The following C12orf50 variants were observed in gnomAD, a reference collection of about 807,000 sequenced individuals.
C12orf50 encodes zinc finger CCCH-type containing 11D.
A neutral mutation model predicts 61.6 loss-of-function variants in C12orf50; 35 were observed. The ratio of observed to expected loss-of-function variants is 0.57; its 90% CI spans 0.43 to 0.75. The LOEUF is 0.75. C12orf50 is among the 30% of genes least tolerant of loss of function. The pLI is 0.00. For synonymous variants in C12orf50, 178 were observed against 161.5 expected, an observed-to-expected ratio of 1.10 and a Z score of -0.77; for missense variants, 475 against 488.5, an observed-to-expected ratio of 0.97 and a Z score of 0.26.
intron 7 of C12orf50, among the ~76,000 whole-genome samples, chr12:87,990,742 G>C (rs2031080231): frequency 6.6e-6 from 1 of 152,054 alleles, no homozygotes; most frequent in African/African-American, 2.4e-5. Flanking sequence ...AGGTGAAAAA[G>C]AAAGAGCCGA....
Position 88,027,074 on chromosome 12 carries a change from A to G in C12orf50, c.-108-4T>C, listed in dbSNP as rs1398197945. 1.2e-6 allele frequency: 2 copies of G among 1,603,146 alleles called. No homozygotes were observed. The highest frequency in any genetic ancestry group is 1.7e-6 in the Non-Finnish European group (2 of 1,176,848). ...GTCGGAATCGGCACTGGGAACCCTA[A>G]AAGAAAAAGTAAACAGTGTAGAAAG... On this transcript the variant is annotated splice_region_variant and splice_polypyrimidine_tract_variant and intron_variant, in intron 1 of 12. Transcript: ENST00000298699.
intron 3 of C12orf50, among the ~76,000 whole-genome samples, chr12:88,014,521 G>A (rs1057429593): frequency 6.6e-6 from 1 of 152,184 alleles, no homozygotes; most frequent in African/African-American, 2.4e-5. Context: ...GGATGGTCTC[G>A]ATCTCCTGAC....
At chr12:88,008,568 T>TATAAAGAATTATTTATATAATTCTTAA (rs1236176236) in intron 3 of C12orf50, among the ~76,000 whole-genome samples, 3 of 152,098 alleles carry the variant, frequency 2.0e-5, no homozygotes, top group African/African-American at 7.2e-5. Flanking sequence ...TGTTTCTTAA[T>TATAAAGAATTATTTATATAATTCTTAA]ATAAAGAATT....
At chr12:87,983,662 T>C (rs1009528674) in intron 11 of C12orf50, 1 of 151,304 alleles carries the variant, frequency 6.6e-6, no homozygotes, top group Non-Finnish European at 1.5e-5. Flanking sequence ...GTCCTTGCGA[T>C]AGTTTACTGA....
intron 3 of C12orf50, among the ~76,000 whole-genome samples, chr12:88,017,000 C>G (rs368928780): frequency 6.6e-6 from 1 of 152,204 alleles, no homozygotes; most frequent in South Asian, 2.1e-4. Context: ...ATGGAATTAG[C>G]CATGAAGATA....
At chr12:87,997,354 T>C (rs371598416) in intron 4 of C12orf50, among the ~76,000 whole-genome samples, 1 of 152,080 alleles carries the variant, frequency 6.6e-6, no homozygotes, top group Non-Finnish European at 1.5e-5. Flanking sequence ...ATAAAAAACA[T>C]AGCTTATTAG....
chr12:88,001,758 G>T (rs973028583), intron 3 of C12orf50, among the ~76,000 whole-genome samples: 1 of 151,112 alleles, frequency 6.6e-6, no homozygotes, highest in Admixed American at 6.6e-5. Context: ...TTTTATATAA[G>T]TTATCTAATT....
At chr12:88,010,398 C>A (rs887389322) in intron 3 of C12orf50, among the ~76,000 whole-genome samples, 1 of 109,142 alleles carries the variant, frequency 9.2e-6, no homozygotes, top group Non-Finnish European at 1.6e-5. Context: ...TTATTATAAT[C>A]TTATAATAAG....
intron 12 of C12orf50, 58 bp from the exon 13 acceptor site, chr12:87,980,414 T>G: frequency 1.4e-6 from 2 of 1,415,782 alleles, no homozygotes; most frequent in Non-Finnish European, 2.0e-6. Flanking sequence ...CACTGATATT[T>G]TGTTCTTCTT....
Position 87,996,433 on chromosome 12 carries a change from G to A in C12orf50, c.422C>T (p.Thr141Ile). The A allele has an allele frequency of 3.1e-6, 5 of 1,613,386 alleles. No individual in the cohort carries two copies. Among genetic ancestry groups the A allele is most frequent in the Non-Finnish European group, 4.2e-6 (5 of 1,179,590 alleles). Residue 141 changes from threonine (T) to isoleucine (I), a missense_variant, in exon 6 of 13, where the codon ACA becomes ATA. Coordinates refer to ENST00000298699, the MANE Select transcript of C12orf50 (RefSeq NM_152589.3). ...TTCTAACTGTTTTTCTGCTGTAGGT[G>A]TCATGCTTTTTGATGACAAAATATC... ...PPDILSSKSM[T>I]PTAEKQLEKP...
intron 3 of C12orf50, among the ~76,000 whole-genome samples, chr12:88,022,985 C>T (rs1237604445): frequency 6.6e-6 from 1 of 152,154 alleles, no homozygotes. Flanking sequence ...TAACATTCTT[C>T]ACAGAATTAG....
intron 3 of C12orf50, among the ~76,000 whole-genome samples, chr12:88,006,066 G>A (rs1020296042): frequency 9.2e-5 from 14 of 151,818 alleles, no homozygotes; most frequent in African/African-American, 3.1e-4. Context: ...ACAGGCGCCC[G>A]CCACCACGCC....
chr12:88,016,244 C>A (rs1319771246), intron 3 of C12orf50, among the ~76,000 whole-genome samples: 1 of 152,134 alleles, frequency 6.6e-6, no homozygotes, highest in Non-Finnish European at 1.5e-5. Context: ...TATACTTAGC[C>A]AGTTACAGTT....
Position 88,027,146 on chromosome 12 carries a change from G to T in C12orf50, c.-108-76C>A, listed in dbSNP as rs144553040. The T allele has an allele frequency of 5.7e-6, 8 of 1,396,754 alleles. No homozygotes were observed. In the East Asian group the frequency reaches 2.0e-4, roughly 35 times the overall value. 86.5% of individuals were successfully genotyped at this position (1,396,754 alleles called of 1,614,324 possible). ...TTCAACAACAATAGGTTGCTAATTA[G>T]TTAAACGAAATATGAGTAGATTACA... On this transcript the variant is annotated intron_variant, in intron 1 of 12. Transcript: ENST00000298699.
intron 1 of C12orf50, 192 bp downstream of exon 1, chr12:88,029,147 TG>T (rs2032812834): frequency 8.0e-7 from 1 of 1,253,370 alleles, no homozygotes; most frequent in Non-Finnish European, 1.0e-6. Context: ...GCTAATCCAA[TG>T]GTTTTTTTTT....
At chr12:88,023,994 A>G (rs2032613499) in intron 3 of C12orf50, among the ~76,000 whole-genome samples, 1 of 152,238 alleles carries the variant, frequency 6.6e-6, no homozygotes, top group Non-Finnish European at 1.5e-5. Context: ...TTTTCAAAAG[A>G]AGACATAAAT....
intron 1 of C12orf50, chr12:88,029,074 C>T (rs1300500861): frequency 7.8e-7 from 1 of 1,284,394 alleles, no homozygotes; most frequent in Admixed American, 2.3e-5. Context: ...TACCTTTATG[C>T]ATGTGGAATT....
At chr12:87,986,240 G>C in intron 10 of C12orf50, 72 bp downstream of exon 10, 1 of 1,295,254 alleles carries the variant, frequency 7.7e-7, no homozygotes, top group East Asian at 2.5e-5. Context: ...TTGTTTTTCA[G>C]GTAGAAGATA....
intron 9 of C12orf50, among the ~76,000 whole-genome samples, chr12:87,986,732 T>C (rs2030844588): frequency 6.6e-6 from 1 of 152,178 alleles, no homozygotes; most frequent in Non-Finnish European, 1.5e-5. Context: ...TAAATCTCAT[T>C]ATAATGCTAT....
Sources: allele counts gnomAD v4.1 joint callset (sites outside exome capture counted in the v4.1 genomes callset), GRCh38; gene constraint gnomAD v4.1.1; transcripts MANE v1.5; gene names NCBI Gene and HGNC (gene_info 2026-07-23, HGNC 2026-07-21).